Variants in SHTN1 observed in about 807,000 individuals in gnomAD.
The protein encoded by SHTN1 is shootin-1.
A neutral mutation model predicts 83.1 loss-of-function variants in SHTN1; 42 were observed. The ratio of observed to expected loss-of-function variants is 0.51; its 90% CI spans 0.39 to 0.65. The LOEUF is 0.65. SHTN1 is among the 30% of genes least tolerant of loss of function. The pLI, the probability that SHTN1 is intolerant of heterozygous loss-of-function variation, is 0.00. For missense variants in SHTN1, 622 were observed against 737.8 expected, an observed-to-expected ratio of 0.84 and a Z score of 1.82; for synonymous variants, 224 against 247.7, an observed-to-expected ratio of 0.90 and a Z score of 0.90.
chr10:116,925,826 G>T lies in SHTN1; in HGVS notation c.1112+1966C>A, dbSNP rs1022249000. On this transcript the variant is annotated intron_variant, in intron 11 of 16. Transcript: ENST00000355371. ...AAGGGAAAAGCAGTAAGCCACTTAA[G>T]CTACAGGCCCTAGTCTTTTTTTTTC... 2.6e-5 allele frequency among the ~76,000 whole-genome samples: 4 copies of T among 152,016 alleles called. 1 individual carries two copies. Among genetic ancestry groups the T allele is most frequent in the African/African-American group, 9.7e-5 (4 of 41,408 alleles).
intron 6 of SHTN1, among the ~76,000 whole-genome samples, chr10:116,949,868 A>C (rs7074047): frequency 1.3e-5 from 2 of 151,370 alleles, no homozygotes; most frequent in Non-Finnish European, 2.9e-5. Flanking sequence ...AAGTTTTTTT[A>C]AAAAAAAAGA....
At chr10:116,951,013 A>C (rs532586547) in intron 6 of SHTN1, among the ~76,000 whole-genome samples, 95 of 152,344 alleles carry the variant, frequency 6.2e-4, no homozygotes, top group African/African-American at 2.2e-3. Flanking sequence ...GCTGGGCTAC[A>C]GAATCTAAGA....
At chr10:116,973,741 G>A (rs1850697667) in intron 2 of SHTN1, 3 of 521,114 alleles carry the variant, frequency 5.8e-6, no homozygotes, top group Non-Finnish European at 9.8e-6. Context: ...ACGCCACTAA[G>A]TCTGAAGAAG....
At chr10:116,915,634 G>A (rs1589803315) in intron 12 of SHTN1, 150 bp from the exon 13 acceptor site, 2 of 564,856 alleles carry the variant, frequency 3.5e-6, no homozygotes, top group East Asian at 2.9e-5. Context: ...CTAGTTAACA[G>A]CTATCAGGTA....
rs576168249 is a variant in SHTN1 at position 116,895,860 on chromosome 10, T to C, written c.1673+5905A>G. On this transcript the variant is annotated intron_variant, in intron 16 of 16. Transcript: ENST00000355371. The stretch of plus-strand genomic sequence containing the variant: ...AGCCTCAGTTTTCTCACCTGTAAAA[T>C]TGGGATAATGTCCAATCTATAGGTT... 4.1e-4 allele frequency among the ~76,000 whole-genome samples: 62 copies of C among 152,226 alleles called. 3 individuals are homozygous for C. Among genetic ancestry groups the C allele is most frequent in the Admixed American group, 1.4e-3 (22 of 15,286 alleles).
rs1017137821 is a variant in SHTN1, at chr10:116,901,617, A to G, written c.1673+148T>C. On this transcript the variant is annotated intron_variant, in intron 16 of 16. Transcript: ENST00000355371. ...ATCTCTTAGCTAGGAGCCTAGAATG[A>G]AAAAGCTGGCCCATCAAATGAAAAG... is the stretch of plus-strand genomic sequence containing the variant. 1.4e-5 allele frequency: 19 copies of G among 1,360,072 alleles called. No individual in the cohort carries two copies. The East Asian group carries it at 5.7e-4, about 41-fold the overall frequency. The allele number at this position is 1,360,072 out of a possible 1,614,324, so 84.3% of individuals were successfully genotyped here.
At chr10:116,932,508 G>A (rs1224616580) in intron 9 of SHTN1, among the ~76,000 whole-genome samples, 1 of 152,032 alleles carries the variant, frequency 6.6e-6, no homozygotes, top group Non-Finnish European at 1.5e-5. Flanking sequence ...TGTCTTCCAC[G>A]AAACTGGTCC....
At chr10:117,080,940 A>T (rs1853251826) in intron 1 of SHTN1, among the ~76,000 whole-genome samples, 1 of 147,878 alleles carries the variant, frequency 6.8e-6, no homozygotes. Context: ...TTGGGCTGAG[A>T]CAATGGGGTT....
At chr10:116,948,872 C>CA in intron 7 of SHTN1, 44 bp downstream of exon 7, 2 of 1,357,806 alleles carry the variant, frequency 1.5e-6, no homozygotes, top group Non-Finnish European at 2.0e-6. Flanking sequence ...GCAAACAGAA[C>CA]ACACCGCATA....
intron 2 of SHTN1, among the ~76,000 whole-genome samples, chr10:117,029,003 C>T (rs1852368612): frequency 1.3e-5 from 2 of 152,196 alleles, no homozygotes; most frequent in Non-Finnish European, 2.9e-5. Flanking sequence ...CTGGAAATAT[C>T]CACCAGCACT....
intron 1 of SHTN1, among the ~76,000 whole-genome samples, chr10:117,082,737 A>G (rs1236672100): frequency 1.3e-5 from 2 of 151,460 alleles, no homozygotes; most frequent in African/African-American, 2.4e-5. Context: ...GGGTGCATAT[A>G]TATTTAGGAT....
In SHTN1 at chr10:116,911,592, A is replaced by C. The variant is rs899829896; in HGVS notation, c.1359+198T>G. Reference sequence around the variant, plus strand: ...GTGTAACCACTCTTTTAGAACAAAAACAGCACAGTGTTATTTGAAAAATTA... The same window carrying C: ...GTGTAACCACTCTTTTAGAACAAAACCAGCACAGTGTTATTTGAAAAATTA... On this transcript the variant is annotated intron_variant, in intron 14 of 16. Coordinates refer to ENST00000355371, the MANE Select transcript of SHTN1 (RefSeq NM_001127211.3). 3.9e-6 allele frequency: 6 copies of C among 1,551,196 alleles called. No individual in the cohort carries two copies. The South Asian group carries it at 4.8e-5, about 12-fold the overall frequency.
chr10:116,915,308 A>G, intron 13 of SHTN1, 67 bp downstream of exon 13: 2 of 889,612 alleles, frequency 2.2e-6, no homozygotes, highest in Admixed American at 2.0e-5. Context: ...CTTTCATCAA[A>G]TTTCAAATTT....
At chr10:117,018,228 A>C (rs1852209220) in intron 2 of SHTN1, among the ~76,000 whole-genome samples, 1 of 152,172 alleles carries the variant, frequency 6.6e-6, no homozygotes, top group African/African-American at 2.4e-5. Context: ...TTATGTACCC[A>C]GTGGGCTGGG....
At chr10:116,989,979 G>A (rs1453256279) in intron 1 of SHTN1, among the ~76,000 whole-genome samples, 2 of 152,096 alleles carry the variant, frequency 1.3e-5, no homozygotes, top group Non-Finnish European at 2.9e-5. Flanking sequence ...TCTGGGACTT[G>A]CAGACACAAT....
chr10:117,066,109 G>GA (rs1003766056), intron 1 of SHTN1, among the ~76,000 whole-genome samples: 5 of 152,010 alleles, frequency 3.3e-5, no homozygotes, highest in African/African-American at 1.2e-4. Flanking sequence ...AAATAGCACA[G>GA]AAAAAAGTTA....
Position 116,881,838 on chromosome 10 carries a change from C to T in SHTN1, c.*4506G>A, listed in dbSNP as rs1191339865. The T allele has an allele frequency of 7.7e-6, 4 of 516,812 alleles. No individual in the cohort carries two copies. The highest frequency in any genetic ancestry group is 1.2e-5 in the Non-Finnish European group (4 of 324,326). The allele number at this position is 516,812 out of a possible 1,614,324, so 32.0% of individuals were successfully genotyped here. ...GTAAATTACATATATGATGTTTTTGCCTGAAATTCTGTGAACTTCGTTTTG... is the reference window on the plus strand; with the variant it reads ...GTAAATTACATATATGATGTTTTTGTCTGAAATTCTGTGAACTTCGTTTTG... On this transcript the variant is annotated 3_prime_UTR_variant, in exon 17 of 17. Transcript: ENST00000355371.
At chr10:116,955,729 C>CT (rs940005220) in intron 4 of SHTN1, among the ~76,000 whole-genome samples, 4 of 152,170 alleles carry the variant, frequency 2.6e-5, no homozygotes, top group African/African-American at 9.7e-5. Flanking sequence ...TGTCTGACCT[C>CT]TTTGGAGAAT....
At chr10:116,945,887 A>G (rs1200923390) in intron 7 of SHTN1, among the ~76,000 whole-genome samples, 5 of 152,220 alleles carry the variant, frequency 3.3e-5, no homozygotes, top group Admixed American at 3.3e-4. Context: ...ATGGAATAGT[A>G]TATAGCAGTG....
Sources: allele counts gnomAD v4.1 joint callset (sites outside exome capture counted in the v4.1 genomes callset), GRCh38; gene constraint gnomAD v4.1.1; transcripts MANE v1.5; gene names NCBI Gene and HGNC (gene_info 2026-07-23, HGNC 2026-07-21).